Variants in TRAF3 observed in about 807,000 individuals in gnomAD.
TRAF3 encodes the protein TNF receptor-associated factor 3.
In TRAF3, 13 loss-of-function variants were observed where a neutral mutation model predicts 62.3. The ratio of observed to expected loss-of-function variants is 0.21; its 90% CI spans 0.14 to 0.33. The LOEUF is 0.33. Among genes scored for constraint, TRAF3 ranks in the 10% least tolerant of loss-of-function variants. The pLI, the probability that TRAF3 is intolerant of heterozygous loss-of-function variation, is 1.00. For missense variants in TRAF3, 440 were observed against 741.8 expected, an observed-to-expected ratio of 0.59 and a Z score of 4.73; for synonymous variants, 269 against 283.4, an observed-to-expected ratio of 0.95 and a Z score of 0.51.
intron 3 of TRAF3, among the ~76,000 whole-genome samples, chr14:102,871,690 C>T (rs1366694647): frequency 6.6e-6 from 1 of 152,258 alleles, no homozygotes; most frequent in Non-Finnish European, 1.5e-5. Flanking sequence ...CTGAACTAAA[C>T]TGTTCTACTT....
At chr14:102,898,305 C>T (rs1890103804) in intron 10 of TRAF3, among the ~76,000 whole-genome samples, 1 of 152,216 alleles carries the variant, frequency 6.6e-6, no homozygotes, top group African/African-American at 2.4e-5. Context: ...GGAGAAAACA[C>T]AATGAAACAT....
intron 6 of TRAF3, among the ~76,000 whole-genome samples, chr14:102,882,773 C>T (rs372070009): frequency 1.3e-5 from 2 of 152,222 alleles, no homozygotes; most frequent in Non-Finnish European, 2.9e-5. Flanking sequence ...TGGACCATTG[C>T]AGTTCATATA....
chr14:102,846,386 G>A (rs1367602761), intron 2 of TRAF3, among the ~76,000 whole-genome samples: 1 of 152,072 alleles, frequency 6.6e-6, no homozygotes, highest in African/African-American at 2.4e-5. Context: ...AAAGAAAAAA[G>A]CAAGACAAGA....
chr14:102,799,325 T>C (rs141065066), intron 1 of TRAF3, among the ~76,000 whole-genome samples: 23 of 152,312 alleles, frequency 1.5e-4, no homozygotes, highest in Middle Eastern at 3.4e-3. Flanking sequence ...CATCTTAGCA[T>C]CTCGTGAGCA....
rs1890542853 is a variant in TRAF3 at position 102,905,483 on chromosome 14, C to T, written c.1406C>T (p.Thr469Met). ...AACGGGGACGGGATGGGGAAGGGGA[C>T]GCACTTGTCGCTGTTTTTTGTCATC... ...YLNGDGMGKG[T>M]HLSLFFVIMR... Residue 469 changes from threonine (T) to methionine (M), a missense_variant, in exon 12 of 12, where the codon ACG (threonine) becomes ATG (methionine). Physicochemically the swap from Thr to Met is moderately conservative, Grantham distance 81. Coordinates refer to ENST00000392745, the MANE Select transcript of TRAF3 (RefSeq NM_145725.3). The T allele has an allele frequency of 6.2e-7, 1 of 1,614,094 alleles. No individual in the cohort carries two copies. The highest frequency in any genetic ancestry group is 1.3e-5 in the African/African-American group (1 of 74,934).
rs928427467 is a variant in TRAF3, at chr14:102,781,959, A to G, written c.-157+4284A>G. 9.9e-5 allele frequency among the ~76,000 whole-genome samples: 15 copies of G among 151,680 alleles called. No individual in the cohort carries two copies. The East Asian group carries it at 2.9e-3, about 29-fold the overall frequency. On this transcript the variant is annotated intron_variant, in intron 1 of 11. Coordinates refer to ENST00000392745, the MANE Select transcript of TRAF3 (RefSeq NM_145725.3). ...CAGGTGTGTGCCAACATACCTGGCTAATTTTTGTATTTTTAGTAGAGATGG... is the reference window on the plus strand; with the variant it reads ...CAGGTGTGTGCCAACATACCTGGCTGATTTTTGTATTTTTAGTAGAGATGG...
intron 10 of TRAF3, among the ~76,000 whole-genome samples, chr14:102,900,640 C>T (rs1030856605): frequency 7.9e-5 from 12 of 152,352 alleles, no homozygotes; most frequent in South Asian, 4.1e-4. Context: ...AAGGCAGGGA[C>T]GTCCATCCAC....
At position 102,815,242 on chromosome 14, in the gene TRAF3, A is replaced by G. The variant is rs139454449; in HGVS notation, c.-156-15092A>G. ...ATGTGAGCCACTGTTCCTGGCTTGGAGTCATTTCTAAGAAACCATTGCCTA... is the reference window on the plus strand; with the variant it reads ...ATGTGAGCCACTGTTCCTGGCTTGGGGTCATTTCTAAGAAACCATTGCCTA... On this transcript the variant is annotated intron_variant, in intron 1 of 11. Coordinates refer to ENST00000392745, the MANE Select transcript of TRAF3 (RefSeq NM_145725.3). Among the ~76,000 whole-genome samples, 423 of 152,288 alleles carry G rather than the reference A, an allele frequency of 2.8e-3. 5 individuals are homozygous for G. The highest frequency in any genetic ancestry group is 0.024 in the East Asian group (122 of 5,188).
intron 10 of TRAF3, among the ~76,000 whole-genome samples, chr14:102,900,094 G>A (rs1204694347): frequency 6.9e-6 from 1 of 145,946 alleles, no homozygotes; most frequent in Admixed American, 6.9e-5. Flanking sequence ...CAGGAGAATG[G>A]TGTGAACCCG....
chr14:102,803,246 G>A (rs1370036101), intron 1 of TRAF3, among the ~76,000 whole-genome samples: 2 of 152,148 alleles, frequency 1.3e-5, no homozygotes, highest in Non-Finnish European at 2.9e-5. Context: ...TGGTTATGAA[G>A]GACTTGTGTT....
chr14:102,871,417 G>A (rs993327988), intron 3 of TRAF3, among the ~76,000 whole-genome samples: 17 of 152,324 alleles, frequency 1.1e-4, no homozygotes, highest in Middle Eastern at 3.4e-3. Context: ...GAAGCTTCCC[G>A]GTGGAGGAGG....
intron 10 of TRAF3, among the ~76,000 whole-genome samples, chr14:102,898,513 G>A (rs1041672641): frequency 6.6e-6 from 1 of 152,240 alleles, no homozygotes; most frequent in African/African-American, 2.4e-5. Context: ...TGGCCCGCCT[G>A]CACCTGCGCT....
At chr14:102,846,395 G>T (rs574665544) in intron 2 of TRAF3, among the ~76,000 whole-genome samples, 3 of 152,094 alleles carry the variant, frequency 2.0e-5, no homozygotes, top group Non-Finnish European at 4.4e-5. Flanking sequence ...AGCAAGACAA[G>T]AATATATGTA....
At chr14:102,811,462 A>C (rs572749476) in intron 1 of TRAF3, among the ~76,000 whole-genome samples, 41 of 149,270 alleles carry the variant, frequency 2.7e-4, no homozygotes, top group Middle Eastern at 3.6e-3. Context: ...TAGCTGGGAC[A>C]TTAGGCCCGT....
intron 1 of TRAF3, among the ~76,000 whole-genome samples, chr14:102,786,695 C>T (rs1022342876): frequency 1.1e-4 from 16 of 151,512 alleles, no homozygotes; most frequent in African/African-American, 3.4e-4. Flanking sequence ...AAAAAAAAAA[C>T]GAGCCTGTGC....
intron 4 of TRAF3, 76 bp downstream of exon 4, chr14:102,872,044 G>A: frequency 1.4e-6 from 2 of 1,453,980 alleles, no homozygotes; most frequent in Non-Finnish European, 1.9e-6. Context: ...TTTGCATTCG[G>A]CACTCTGGCA....
At chr14:102,811,281 G>T (rs1899114370) in intron 1 of TRAF3, among the ~76,000 whole-genome samples, 1 of 151,158 alleles carries the variant, frequency 6.6e-6, no homozygotes, top group Non-Finnish European at 1.5e-5. Context: ...GCGTCCTTCT[G>T]AGCAAACAAT....
At chr14:102,813,023 T>G (rs911731630) in intron 1 of TRAF3, among the ~76,000 whole-genome samples, 1 of 152,140 alleles carries the variant, frequency 6.6e-6, no homozygotes, top group Non-Finnish European at 1.5e-5. Context: ...GTCGCCAGGT[T>G]GGAGTGCAAT....
chr14:102,848,102 A>G (rs1234061621), intron 2 of TRAF3, among the ~76,000 whole-genome samples: 2 of 152,130 alleles, frequency 1.3e-5, no homozygotes, highest in Admixed American at 6.6e-5. Flanking sequence ...GCATTTTTTG[A>G]TACAAGAACT....
Sources: allele counts gnomAD v4.1 joint callset (sites outside exome capture counted in the v4.1 genomes callset), GRCh38; gene constraint gnomAD v4.1.1; transcripts MANE v1.5; gene names NCBI Gene and HGNC (gene_info 2026-07-23, HGNC 2026-07-21).